MBD5: variants seen among roughly 807,000 people sequenced by gnomAD.
The protein encoded by MBD5 is methyl-CpG-binding domain protein 5.
MBD5 carries 13 observed loss-of-function variants against 117.3 expected under a neutral mutation model. That is an observed-to-expected ratio of 0.11 (90% CI 0.07 to 0.18). The LOEUF is 0.18. MBD5 is among the 10% of genes least tolerant of loss of function. The pLI is 1.00. For missense variants in MBD5, 1,879 were observed against 2,093.8 expected, an observed-to-expected ratio of 0.90 and a Z score of 2.00; for synonymous variants, 727 against 766.4, an observed-to-expected ratio of 0.95 and a Z score of 0.85.
chr2:148,243,085 T>G (rs1455173917), intron 3 of MBD5, among the ~76,000 whole-genome samples: 9 of 152,042 alleles, frequency 5.9e-5, no homozygotes, highest in African/African-American at 1.4e-4. Flanking sequence ...GGCCAGATTC[T>G]GATCTCTAAT....
At chr2:148,461,361 A>C (rs2105559478) in intron 5 of MBD5, among the ~76,000 whole-genome samples, 1 of 152,320 alleles carries the variant, frequency 6.6e-6, no homozygotes, top group South Asian at 2.1e-4. Flanking sequence ...TAAGTAAATG[A>C]GTAATTTGAC....
chr2:148,304,726 C>G (rs1439248951), intron 3 of MBD5, among the ~76,000 whole-genome samples: 1 of 152,144 alleles, frequency 6.6e-6, no homozygotes, highest in Admixed American at 6.5e-5. Context: ...AAGGAAACAT[C>G]AGAGGCAAGG....
Position 148,468,990 on chromosome 2 carries a change from G to A in MBD5, c.1047G>A (p.Lys349=). The A allele has an allele frequency of 6.2e-7, 1 of 1,612,910 alleles. No homozygotes were observed. Among genetic ancestry groups the A allele is most frequent in the Non-Finnish European group, 8.5e-7 (1 of 1,179,710 alleles). ...PPPPSCALQK[K]PLTSEKDPLG... ...CACCTTCTTGTGCTCTTCAGAAAAA[G>A]CCATTAACATCTGAGAAAGATCCAC... The change falls in exon 8 of 14, where the codon AAG becomes AAA. Residue 349 remains lysine (K), a synonymous_variant. Coordinates refer to ENST00000642680, the MANE Select transcript of MBD5 (RefSeq NM_001378120.1).
At chr2:148,161,971 A>C (rs1166650526) in intron 1 of MBD5, among the ~76,000 whole-genome samples, 2 of 152,188 alleles carry the variant, frequency 1.3e-5, no homozygotes. Flanking sequence ...TTGCTAATGT[A>C]ATAAGTGATG....
chr2:148,114,553 G>A (rs561363361), intron 1 of MBD5, among the ~76,000 whole-genome samples: 3 of 152,202 alleles, frequency 2.0e-5, no homozygotes, highest in African/African-American at 7.2e-5. Flanking sequence ...ATACCAAAAT[G>A]GTTTAATTTA....
chr2:148,053,709 T>C (rs186185119), intron 1 of MBD5, among the ~76,000 whole-genome samples: 142 of 152,218 alleles, frequency 9.3e-4, no homozygotes, highest in Middle Eastern at 3.4e-3. Flanking sequence ...TTGGTGTTGG[T>C]GTGTGTACTT....
chr2:148,040,254 A>T (rs930729003), intron 1 of MBD5, among the ~76,000 whole-genome samples: 1 of 152,198 alleles, frequency 6.6e-6, no homozygotes, highest in Non-Finnish European at 1.5e-5. Flanking sequence ...TAGTCCCAGA[A>T]GGAAGAGGTG....
At chr2:148,077,466 T>G (rs528328258) in intron 1 of MBD5, among the ~76,000 whole-genome samples, 48 of 152,272 alleles carry the variant, frequency 3.2e-4, no homozygotes, top group African/African-American at 1.0e-3. Flanking sequence ...GCTTCCTTAG[T>G]TTTAGAAATC....
At chr2:148,490,789 TGAGTTGTAAA>T in intron 11 of MBD5, 195 bp downstream of exon 11, 1 of 670,842 alleles carries the variant, frequency 1.5e-6, no homozygotes, top group South Asian at 1.9e-5. Context: ...CAACAAGGGG[TGAGTTGTAAA>T]GCATTTATAG....
chr2:148,067,892 C>T (rs1026217175), intron 1 of MBD5, among the ~76,000 whole-genome samples: 1 of 152,184 alleles, frequency 6.6e-6, no homozygotes, highest in African/African-American at 2.4e-5. Flanking sequence ...GCTCTGTTTC[C>T]TTGGTAATCT....
At chr2:148,154,467 G>C (rs1296017088) in intron 1 of MBD5, among the ~76,000 whole-genome samples, 3 of 152,072 alleles carry the variant, frequency 2.0e-5, no homozygotes, top group Admixed American at 6.5e-5. Flanking sequence ...CACCCAGTTC[G>C]AGCATCCTGG....
chr2:148,502,506 G>T lies in MBD5; in HGVS notation c.5033G>T (p.Arg1678Ile), dbSNP rs749723920. 1.2e-6 allele frequency: 2 copies of T among 1,614,028 alleles called. No individual in the cohort carries two copies. Among genetic ancestry groups the T allele is most frequent in the Non-Finnish European group, 1.7e-6 (2 of 1,179,912 alleles). ...EAYSRVRKRN[R>I]KSGKLNNHLE... is the part of the protein sequence containing the mutation. ...TACAGCCGTGTCCGGAAAAGGAACA[G>T]AAAGTAAGCACTTTTCCAAAATTTT... The change falls in exon 12 of 14, where the codon AGA (arginine) becomes ATA (isoleucine). Residue 1678 changes from arginine (R) to isoleucine (I), a missense_variant. This residue lies in a region of MBD5 where 135 missense variants were observed against 148.0 expected (regional missense o/e 0.91). Coordinates refer to ENST00000642680, the MANE Select transcript of MBD5 (RefSeq NM_001378120.1).
chr2:148,472,506 A>G (rs1680828230), intron 8 of MBD5: 2 of 152,270 alleles, frequency 1.3e-5, no homozygotes, highest in African/African-American at 4.8e-5. Context: ...ACTAATGAAC[A>G]TAACTCTTTC....
intron 1 of MBD5, among the ~76,000 whole-genome samples, chr2:148,068,338 G>A (rs1320994938): frequency 6.6e-6 from 1 of 152,156 alleles, no homozygotes; most frequent in African/African-American, 2.4e-5. Flanking sequence ...GGGTGGACAG[G>A]TGCTCAGGAT....
chr2:148,122,400 C>T (rs1330982139), intron 1 of MBD5, among the ~76,000 whole-genome samples: 1 of 152,116 alleles, frequency 6.6e-6, no homozygotes. Context: ...ATGAGAGACA[C>T]AAATGACATA....
At chr2:148,080,097 G>A (rs1247780232) in intron 1 of MBD5, among the ~76,000 whole-genome samples, 2 of 152,070 alleles carry the variant, frequency 1.3e-5, no homozygotes, top group Non-Finnish European at 2.9e-5. Context: ...AAAACCCTTG[G>A]TCTTATTGTG....
chr2:148,093,691 A>G (rs1322404059), intron 1 of MBD5, among the ~76,000 whole-genome samples: 1 of 152,132 alleles, frequency 6.6e-6, no homozygotes. Flanking sequence ...ATTCTTAACT[A>G]TATTAGTGTA....
chr2:148,268,615 C>T (rs1700914126), intron 3 of MBD5, among the ~76,000 whole-genome samples: 1 of 151,266 alleles, frequency 6.6e-6, no homozygotes, highest in Admixed American at 6.6e-5. Flanking sequence ...GTTGTGTTGG[C>T]TAATTCTTAC....
intron 4 of MBD5, among the ~76,000 whole-genome samples, chr2:148,397,059 C>G (rs182354040): frequency 6.6e-6 from 1 of 152,310 alleles, no homozygotes; most frequent in African/African-American, 2.4e-5. Context: ...ATTACTAAGA[C>G]TTGCTGATTT....
Sources: gnomAD v4.1 joint callset for allele counts (sites outside exome capture counted in the v4.1 genomes callset) on GRCh38, gnomAD v4.1.1 for gene constraint, gnomAD v4.1.1 regional missense constraint, MANE v1.5 for transcripts, NCBI Gene and HGNC (gene_info 2026-07-23, HGNC 2026-07-21) for gene names.